Variants in SEC24B observed in about 807,000 individuals in gnomAD.
SEC24B encodes the protein protein transport protein Sec24B.
SEC24B carries 45 observed loss-of-function variants against 142.8 expected under a neutral mutation model. The observed-to-expected ratio is 0.32, with a 90% CI of 0.25 to 0.40. The LOEUF (loss-of-function observed/expected upper bound fraction) is 0.40, where lower values mean the gene tolerates loss of function less well. SEC24B is among the 10% of genes least tolerant of loss of function. The probability of loss-of-function intolerance (pLI) is 1.00; values close to 1 mark genes in which losing one functional copy is unlikely to be tolerated. For missense variants in SEC24B, 1,409 were observed against 1,526.8 expected (o/e 0.92, Z 1.29); for synonymous variants, 574 against 568.2 (o/e 1.01, Z -0.15).
At chr4:109,440,335 A>G (rs1031586561) in intron 1 of SEC24B, among the ~76,000 whole-genome samples, 2 of 152,276 alleles carry the variant, frequency 1.3e-5, no homozygotes, top group East Asian at 1.9e-4. Flanking sequence ...ATGTTACTTT[A>G]TCTTTCCAAT....
chr4:109,463,913 C>T (rs1731582532), intron 2 of SEC24B, among the ~76,000 whole-genome samples: 1 of 152,136 alleles, frequency 6.6e-6, no homozygotes, highest in Non-Finnish European at 1.5e-5. Context: ...CAATAGTTGT[C>T]TTTAATGTGA....
At chr4:109,528,351 A>T (rs1724494302) in intron 18 of SEC24B, among the ~76,000 whole-genome samples, 1 of 151,142 alleles carries the variant, frequency 6.6e-6, no homozygotes, top group African/African-American at 2.4e-5. Flanking sequence ...CTTTGAACCC[A>T]GGAGGCAGAG....
chr4:109,483,540 C>G (rs762542837), intron 4 of SEC24B, among the ~76,000 whole-genome samples: 6 of 147,408 alleles, frequency 4.1e-5, no homozygotes, highest in Non-Finnish European at 7.5e-5. Context: ...ATTAGGGACT[C>G]TCAACCTATA....
intron 1 of SEC24B, among the ~76,000 whole-genome samples, chr4:109,456,575 T>C (rs1190863938): frequency 1.3e-5 from 2 of 152,162 alleles, no homozygotes; most frequent in African/African-American, 4.8e-5. Flanking sequence ...TTTCTTTCTC[T>C]TCCTAGTTTA....
intron 1 of SEC24B, among the ~76,000 whole-genome samples, chr4:109,439,761 A>G (rs1728764043): frequency 6.7e-6 from 1 of 150,184 alleles, no homozygotes; most frequent in Non-Finnish European, 1.5e-5. Context: ...TTAGCCTCCC[A>G]AAGTGCTGGG....
At chr4:109,447,926 G>A (rs1329695268) in intron 1 of SEC24B, among the ~76,000 whole-genome samples, 1 of 152,186 alleles carries the variant, frequency 6.6e-6, no homozygotes, top group Non-Finnish European at 1.5e-5. Context: ...TTGTCAGCTA[G>A]CTTCTGGATG....
intron 4 of SEC24B, among the ~76,000 whole-genome samples, chr4:109,485,545 A>G: frequency 6.6e-6 from 1 of 152,200 alleles, no homozygotes; most frequent in East Asian, 1.9e-4. Context: ...ATAAGACTAT[A>G]TTATTGACAT....
chr4:109,499,407 A>G (rs1343673095), intron 6 of SEC24B, among the ~76,000 whole-genome samples: 1 of 152,102 alleles, frequency 6.6e-6, no homozygotes, highest in African/African-American at 2.4e-5. Context: ...CCCAGTTAAG[A>G]CAGGAGAATC....
intron 2 of SEC24B, among the ~76,000 whole-genome samples, chr4:109,469,123 A>T (rs1380992186): frequency 2.6e-5 from 4 of 152,202 alleles, no homozygotes; most frequent in African/African-American, 7.2e-5. Context: ...TGCCATAATT[A>T]TCAAAAAAAA....
At chr4:109,480,531 G>A (rs879477532) in intron 3 of SEC24B, among the ~76,000 whole-genome samples, 9 of 151,740 alleles carry the variant, frequency 5.9e-5, no homozygotes, top group Non-Finnish European at 1.2e-4. Context: ...CACCAGGCTG[G>A]AGTGCAATGG....
At chr4:109,530,978 A>G (rs1191227974) in intron 19 of SEC24B, among the ~76,000 whole-genome samples, 2 of 151,776 alleles carry the variant, frequency 1.3e-5, no homozygotes, top group Non-Finnish European at 2.9e-5. Flanking sequence ...GTGAAACCAT[A>G]TTCTCTCTTC....
intron 7 of SEC24B, among the ~76,000 whole-genome samples, chr4:109,507,209 C>A (rs1269141620): frequency 6.6e-6 from 1 of 151,820 alleles, no homozygotes; most frequent in Non-Finnish European, 1.5e-5. Context: ...TTTTGGAAGA[C>A]ATCCTCCTGC....
intron 1 of SEC24B, among the ~76,000 whole-genome samples, chr4:109,436,439 A>G (rs755375034): frequency 1.3e-5 from 2 of 152,228 alleles, no homozygotes; most frequent in Non-Finnish European, 2.9e-5. Context: ...AAATATGAGC[A>G]TAAAACAGAC....
chr4:109,452,076 GA>G (rs34376244), intron 1 of SEC24B, among the ~76,000 whole-genome samples: 27,749 of 143,438 alleles, frequency 0.19, 2,844 homozygotes, highest in African/African-American at 0.29. Flanking sequence ...CCATCACCAT[GA>G]AAAAAAAAAA....
chr4:109,525,623 T>C (rs1724141087), intron 16 of SEC24B, 119 bp downstream of exon 16: 3 of 578,798 alleles, frequency 5.2e-6, no homozygotes, highest in East Asian at 6.5e-5. Context: ...TCATTAGCTA[T>C]ACCATGTTTT....
chr4:109,435,170 A>G (rs1482350451), intron 1 of SEC24B, among the ~76,000 whole-genome samples: 3 of 152,234 alleles, frequency 2.0e-5, no homozygotes, highest in Non-Finnish European at 4.4e-5. Context: ...CTTTTCAAAC[A>G]TGAAGTGTAT....
At chr4:109,499,025 G>A (rs1037614114) in intron 6 of SEC24B, among the ~76,000 whole-genome samples, 3 of 152,122 alleles carry the variant, frequency 2.0e-5, no homozygotes, top group Non-Finnish European at 4.4e-5. Context: ...TACAAATTTA[G>A]TGAGATCAAT....
At chr4:109,467,308 A>G (rs1228346646) in intron 2 of SEC24B, among the ~76,000 whole-genome samples, 3 of 147,588 alleles carry the variant, frequency 2.0e-5, no homozygotes, top group East Asian at 2.0e-4. Flanking sequence ...CCTGGGCGAC[A>G]GAGCGAGACT....
In SEC24B at chr4:109,516,524, T is replaced by C. The variant is rs1722943670; in HGVS notation, c.2014-4T>C. 1 of 1,583,082 alleles carries C rather than the reference T, an allele frequency of 6.3e-7. No homozygotes were observed. Among genetic ancestry groups the C allele is most frequent in the Admixed American group, 1.7e-5 (1 of 58,752 alleles). The stretch of plus-strand genomic sequence containing the variant: ...ATAACTTACTTTATTTTTATTCCTT[T>C]CAGCTGCGTCCTCCTCAACCTGCAG... On this transcript the variant is annotated splice_polypyrimidine_tract_variant and splice_region_variant and intron_variant, in intron 10 of 23. Transcript: ENST00000265175.
Sources: gnomAD v4.1 joint callset for allele counts (sites outside exome capture counted in the v4.1 genomes callset) on GRCh38, gnomAD v4.1.1 for gene constraint, MANE v1.5 for transcripts, NCBI Gene and HGNC (gene_info 2026-07-23, HGNC 2026-07-21) for gene names.